Variants in CEMIP observed in about 807,000 individuals in gnomAD.
CEMIP encodes the protein cell migration inducing hyaluronidase 1.
CEMIP carries 105 observed loss-of-function variants against 156.9 expected under a neutral mutation model. That is an observed-to-expected ratio of 0.67 (90% CI 0.57 to 0.79). The LOEUF is 0.79. CEMIP is among the 30% of genes least tolerant of loss of function. CEMIP has a pLI of 0.00. For missense variants in CEMIP, 1,457 were observed against 1,769.4 expected (o/e 0.82, Z 3.17); for synonymous variants, 676 against 668.4 (o/e 1.01, Z -0.17).
chr15:80,924,365 T>G (rs1484934585), intron 17 of CEMIP, among the ~76,000 whole-genome samples: 1 of 152,200 alleles, frequency 6.6e-6, no homozygotes, highest in Non-Finnish European at 1.5e-5. Context: ...TTGGACAACA[T>G]ACATAACCTC....
chr15:80,946,236 C>G (rs1901548950), intron 28 of CEMIP: 1 of 152,734 alleles, frequency 6.5e-6, no homozygotes, highest in Non-Finnish European at 1.5e-5. Context: ...CTACACTAAG[C>G]CTGTGTCCAT....
At chr15:80,926,036 C>A (rs775246982) in intron 19 of CEMIP, among the ~76,000 whole-genome samples, 2 of 152,186 alleles carry the variant, frequency 1.3e-5, no homozygotes, top group African/African-American at 2.4e-5. Flanking sequence ...CAAGGTCATG[C>A]GGACCATCAG....
intron 17 of CEMIP, among the ~76,000 whole-genome samples, chr15:80,923,309 C>T (rs1445603377): frequency 1.3e-5 from 2 of 152,154 alleles, no homozygotes; most frequent in Non-Finnish European, 2.9e-5. Context: ...CTGAAGCTGA[C>T]ATGGCCCTCA....
chr15:80,823,204 C>G (rs1215038252), intron 1 of CEMIP, among the ~76,000 whole-genome samples: 1 of 152,164 alleles, frequency 6.6e-6, no homozygotes, highest in African/African-American at 2.4e-5. Flanking sequence ...GTTTACACCC[C>G]TGGGGAGTCT....
intron 19 of CEMIP, among the ~76,000 whole-genome samples, chr15:80,926,209 G>A (rs764573525): frequency 2.0e-5 from 3 of 152,172 alleles, no homozygotes; most frequent in Admixed American, 6.5e-5. Context: ...CCAAGGTCAC[G>A]CAGTTAGCTA....
chr15:80,820,255 A>G (rs1000522376), intron 1 of CEMIP, among the ~76,000 whole-genome samples: 2 of 152,208 alleles, frequency 1.3e-5, no homozygotes, highest in African/African-American at 4.8e-5. Flanking sequence ...CAGACTGGTC[A>G]GAGGAAAGTG....
intron 1 of CEMIP, among the ~76,000 whole-genome samples, chr15:80,815,525 T>TTTCC (rs987556794): frequency 6.6e-6 from 1 of 151,204 alleles, no homozygotes; most frequent in Non-Finnish European, 1.5e-5. Flanking sequence ...TCTTTTCTTT[T>TTTCC]TTCCTTCCTT....
chr15:80,789,990 G>C (rs537849612), intron 1 of CEMIP, among the ~76,000 whole-genome samples: 15 of 152,310 alleles, frequency 9.8e-5, no homozygotes, highest in Non-Finnish European at 1.9e-4. Context: ...CAGAGAGGCA[G>C]AGTCACTATT....
chr15:80,838,323 C>T (rs1897311654), intron 1 of CEMIP, among the ~76,000 whole-genome samples: 1 of 152,012 alleles, frequency 6.6e-6, no homozygotes, highest in Non-Finnish European at 1.5e-5. Context: ...GTGGGTGATG[C>T]CTTTCTCCTT....
chr15:80,900,636 GTGTGTGTGTGTGTC>G (rs1567090904), intron 12 of CEMIP, among the ~76,000 whole-genome samples: 175 of 132,174 alleles, frequency 1.3e-3, no homozygotes, highest in African/African-American at 2.1e-3. Flanking sequence ...GTGTGTGTGT[GTGTGTGTGTGTGTC>G]TGTGTGTGTG....
In CEMIP at chr15:80,800,793, G is replaced by T. The variant is rs117509811; in HGVS notation, c.-176+21179G>T. On this transcript the variant is annotated intron_variant, in intron 1 of 29. Coordinates refer to ENST00000394685, the MANE Select transcript of CEMIP (RefSeq NM_001293298.2). ...TATTTGAAATATTTCAGTACTCGAT[G>T]TAGGGGCAAAAACATTGAGTTTACA... 3.0e-4 allele frequency among the ~76,000 whole-genome samples: 45 copies of T among 152,312 alleles called. No homozygotes were observed. In the East Asian group the frequency reaches 8.1e-3, roughly 27 times the overall value.
chr15:80,784,357 A>G (rs1354123566), intron 1 of CEMIP, among the ~76,000 whole-genome samples: 2 of 152,034 alleles, frequency 1.3e-5, no homozygotes, highest in Non-Finnish European at 2.9e-5. Context: ...CTGTTTTTAG[A>G]CATCACACGG....
Position 80,936,806 on chromosome 15 carries a change from A to T in CEMIP, c.3142A>T (p.Thr1048Ser), listed in dbSNP as rs1596205986. The T allele has an allele frequency of 2.5e-6, 4 of 1,614,030 alleles. No individual in the cohort carries two copies. The highest frequency in any genetic ancestry group is 3.4e-6 in the Non-Finnish European group (4 of 1,180,030). Residue 1048 changes from threonine to serine, a missense_variant, in exon 24 of 30, where the codon ACC (threonine) becomes TCC (serine). This residue lies in a region of CEMIP where 798 missense variants were observed against 980.1 expected (regional missense o/e 0.81). Transcript: ENST00000394685. ...THYQQYQPVV[T>S]LQKGYTIHWD... ...TTACCAGCAATACCAACCGGTTGTC[A>T]CCCTGCAGAAGGGCTACACCATCCA... is the stretch of plus-strand genomic sequence containing the variant.
In CEMIP at chr15:80,782,993, G is replaced by A. The variant is rs1895837021; in HGVS notation, c.-176+3379G>A. Among the ~76,000 whole-genome samples the A allele has an allele frequency of 3.9e-5, 6 of 152,186 alleles. No homozygotes were observed. In the South Asian group the frequency reaches 8.3e-4, roughly 21 times the overall value. On this transcript the variant is annotated intron_variant, in intron 1 of 29. Coordinates refer to ENST00000394685, the MANE Select transcript of CEMIP (RefSeq NM_001293298.2). Reference sequence around the variant, plus strand: ...AACTGTCATGTAAAGTGGTAGAAACGAGCTCTTCATCAGTCCTGTGGCATT... The same window carrying A: ...AACTGTCATGTAAAGTGGTAGAAACAAGCTCTTCATCAGTCCTGTGGCATT...
chr15:80,881,571 T>G (rs1026784119), intron 6 of CEMIP, among the ~76,000 whole-genome samples: 2 of 152,094 alleles, frequency 1.3e-5, no homozygotes, highest in Non-Finnish European at 2.9e-5. Context: ...GGGCATGACA[T>G]TCTCAAACGA....
At chr15:80,800,706 G>C (rs143790594) in intron 1 of CEMIP, among the ~76,000 whole-genome samples, 228 of 152,302 alleles carry the variant, frequency 1.5e-3, no homozygotes, top group African/African-American at 5.2e-3. Flanking sequence ...ATCAGAGTTA[G>C]AGAAGAAATT....
intron 11 of CEMIP, 137 bp downstream of exon 11, chr15:80,895,259 G>C (rs1358861914): frequency 1.7e-6 from 2 of 1,192,824 alleles, no homozygotes; most frequent in Admixed American, 3.8e-5. Context: ...GGGAGCAGTG[G>C]GAGGATCCTT....
At chr15:80,937,165 A>T (rs2141961489) in intron 24 of CEMIP, among the ~76,000 whole-genome samples, 1 of 152,330 alleles carries the variant, frequency 6.6e-6, no homozygotes, top group Admixed American at 6.5e-5. Flanking sequence ...TGCAATGAGG[A>T]CCCAAGGAGA....
chr15:80,920,056 G>A (rs369012409), intron 14 of CEMIP, 38 bp from the exon 15 acceptor site: 256 of 1,595,316 alleles, frequency 1.6e-4, no homozygotes, highest in Non-Finnish European at 2.1e-4. Flanking sequence ...ATGAATAACT[G>A]GATGCTTGGT....
Sources: gnomAD v4.1 joint callset for allele counts (sites outside exome capture counted in the v4.1 genomes callset) on GRCh38, gnomAD v4.1.1 for gene constraint, gnomAD v4.1.1 regional missense constraint, MANE v1.5 for transcripts, NCBI Gene and HGNC (gene_info 2026-07-23, HGNC 2026-07-21) for gene names.